Variants in EP300 observed in about 807,000 individuals in gnomAD.
EP300 encodes histone acetyltransferase p300.
In EP300, 31 loss-of-function variants were observed where a neutral mutation model predicts 264.0. The ratio of observed to expected loss-of-function variants is 0.12; its 90% CI spans 0.09 to 0.16. The LOEUF is 0.16. Ranked by LOEUF, EP300 falls within the 10% of genes least tolerant of loss-of-function variation. EP300 has a pLI of 1.00. For missense variants in EP300, 2,766 were observed against 3,052.9 expected (o/e 0.91, Z 2.21); for synonymous variants, 1,340 against 1,045.4 (o/e 1.28, Z -5.44).
chr22:41,177,921 G>T lies in EP300; in HGVS notation c.6210G>T (p.Val2070=), dbSNP rs11912899. 5.6e-6 allele frequency: 9 copies of T among 1,614,154 alleles called. No individual in the cohort carries two copies. In the South Asian group the frequency reaches 8.8e-5, roughly 16 times the overall value. Reference sequence around the variant, plus strand: ...GCTCTCCCCTGCAGCAGCAACAGGTGCTTAGTATCCTTCACGCCAACCCCC... The same window carrying T: ...GCTCTCCCCTGCAGCAGCAACAGGTTCTTAGTATCCTTCACGCCAACCCCC... ...SPSSPLQQQQ[V]LSILHANPQL... Residue 2070 remains valine, a synonymous_variant, in exon 31 of 31, where the codon GTG becomes GTT. Coordinates refer to ENST00000263253, the MANE Select transcript of EP300 (RefSeq NM_001429.4).
intron 20 of EP300, 109 bp from the exon 21 acceptor site, chr22:41,162,613 TA>T: frequency 1.2e-6 from 1 of 838,178 alleles, no homozygotes; most frequent in Non-Finnish European, 2.0e-6. Context: ...TGTGTATTCT[TA>T]AAAAACCTGA....
chr22:41,161,429 AAC>A (rs1178770254), intron 20 of EP300, among the ~76,000 whole-genome samples: 5 of 152,116 alleles, frequency 3.3e-5, no homozygotes, highest in African/African-American at 1.2e-4. Flanking sequence ...CATCCTGGCT[AAC>A]ACGGTGAAGC....
At chr22:41,167,814 GTTTT>G (rs1555911003) in intron 23 of EP300, among the ~76,000 whole-genome samples, 3 of 66,228 alleles carry the variant, frequency 4.5e-5, no homozygotes, top group African/African-American at 1.3e-4. Flanking sequence ...GTTTGTTTTT[GTTTT>G]TTTTTTTGTT....
chr22:41,135,722 T>C lies in EP300; in HGVS notation c.1529-91T>C, dbSNP rs1165276199. ...TTGTATATGCTGCAAATTTTTTTTCTGATTTGTCATTTGTTTCTTAACTTT... is the reference window on the plus strand; with the variant it reads ...TTGTATATGCTGCAAATTTTTTTTCCGATTTGTCATTTGTTTCTTAACTTT... On this transcript the variant is annotated intron_variant, in intron 6 of 30. Transcript: ENST00000263253. 3.8e-6 allele frequency: 4 copies of C among 1,040,070 alleles called. No homozygotes were observed. In the Admixed American group the frequency reaches 7.6e-5, roughly 20 times the overall value. The allele number at this position is 1,040,070 out of a possible 1,614,324, so 64.4% of individuals were successfully genotyped here. A position where few individuals can be genotyped will look rare whatever the true frequency, so the allele number is the denominator to read the frequency against.
chr22:41,093,150 G>C (rs2058683173), intron 1 of EP300, 52 bp downstream of exon 1: 2 of 1,556,340 alleles, frequency 1.3e-6, no homozygotes, highest in African/African-American at 1.4e-5. Flanking sequence ...TTTTCTACTC[G>C]GTGCGCCTTT....
intron 27 of EP300, among the ~76,000 whole-genome samples, chr22:41,170,826 T>C (rs954095824): frequency 2.6e-5 from 4 of 151,848 alleles, no homozygotes; most frequent in African/African-American, 9.7e-5. Context: ...CACACCCGGC[T>C]AAATTTTTTT....
intron 9 of EP300, 82 bp downstream of exon 9, chr22:41,140,339 G>A: frequency 1.1e-6 from 1 of 946,644 alleles, no homozygotes. Context: ...TGTACAAGTA[G>A]TACATATGCT....
At chr22:41,136,626 A>C (rs1044137166) in intron 7 of EP300, among the ~76,000 whole-genome samples, 4 of 152,168 alleles carry the variant, frequency 2.6e-5, no homozygotes, top group Non-Finnish European at 4.4e-5. Context: ...ACACCACTGC[A>C]CCCTAGTCTG....
intron 4 of EP300, among the ~76,000 whole-genome samples, chr22:41,128,456 G>T (rs1027721147): frequency 2.0e-5 from 3 of 149,914 alleles, no homozygotes; most frequent in African/African-American, 7.4e-5. Flanking sequence ...ACCAAACCCT[G>T]TTTCAAAAAA....
chr22:41,122,648 A>C (rs1256142379), intron 2 of EP300, among the ~76,000 whole-genome samples: 1 of 152,020 alleles, frequency 6.6e-6, no homozygotes, highest in Non-Finnish European at 1.5e-5. Context: ...TGGTAATAGT[A>C]TAAAGAAGAT....
intron 18 of EP300, among the ~76,000 whole-genome samples, chr22:41,157,818 G>T (rs1263581685): frequency 1.3e-5 from 2 of 152,100 alleles, no homozygotes; most frequent in Non-Finnish European, 2.9e-5. Context: ...ACCTCTCCCA[G>T]CCAACACAGT....
chr22:41,145,572 A>G (rs553035003), intron 10 of EP300, among the ~76,000 whole-genome samples: 3 of 152,224 alleles, frequency 2.0e-5, no homozygotes, highest in African/African-American at 2.4e-5. Context: ...AAAGTACTAC[A>G]CTAGAGCATG....
At chr22:41,115,519 A>G (rs1162134099) in intron 1 of EP300, among the ~76,000 whole-genome samples, 1 of 152,098 alleles carries the variant, frequency 6.6e-6, no homozygotes, top group Non-Finnish European at 1.5e-5. Flanking sequence ...TACAACCTCA[A>G]ATTCCTGGAC....
At chr22:41,140,288 C>G (rs1451369432) in intron 9 of EP300, 31 bp downstream of exon 9, 1 of 1,379,172 alleles carries the variant, frequency 7.3e-7, no homozygotes, top group African/African-American at 1.4e-5. Context: ...TATTAATAGC[C>G]AAGATTGAAC....
chr22:41,142,752 G>A (rs559305741), intron 10 of EP300, among the ~76,000 whole-genome samples: 1 of 152,294 alleles, frequency 6.6e-6, no homozygotes, highest in African/African-American at 2.4e-5. Context: ...CGGGCATGGT[G>A]GCGGGCACCT....
intron 20 of EP300, among the ~76,000 whole-genome samples, chr22:41,161,091 G>T (rs917656330): frequency 1.4e-4 from 21 of 152,152 alleles, no homozygotes; most frequent in Non-Finnish European, 2.9e-5. Flanking sequence ...AAAATTGGAG[G>T]TTAGTACAAG....
At chr22:41,127,285 T>C (rs1421915772) in intron 3 of EP300, among the ~76,000 whole-genome samples, 5 of 152,112 alleles carry the variant, frequency 3.3e-5, no homozygotes, top group Non-Finnish European at 7.3e-5. Context: ...CTTATATCAC[T>C]TCGTAATGTC....
intron 16 of EP300, among the ~76,000 whole-genome samples, chr22:41,153,451 C>T (rs2059058518): frequency 6.6e-6 from 1 of 152,138 alleles, no homozygotes; most frequent in African/African-American, 2.4e-5. Flanking sequence ...CCCAGTCTTA[C>T]TATTGGCAAT....
At position 41,169,556 on chromosome 22, in the gene EP300, T is replaced by C; in HGVS notation, c.4226T>C (p.Leu1409Ser). Residue 1409 changes from leucine to serine, a missense_variant, in exon 26 of 31, where the codon TTG (leucine) becomes TCG (serine). Coordinates refer to ENST00000263253, the MANE Select transcript of EP300 (RefSeq NM_001429.4). ...GTTCATTTCTTCCGTCCTAAATGCT[T>C]GAGGACTGCAGTCTATCATGAAATC... ...DSVHFFRPKC[L>S]RTAVYHEILI... 1 of 1,610,358 alleles carries C rather than the reference T, an allele frequency of 6.2e-7. No individual in the cohort carries two copies. Among genetic ancestry groups the C allele is most frequent in the Non-Finnish European group, 8.5e-7 (1 of 1,178,298 alleles).
Sources: gnomAD v4.1 joint callset for allele counts (sites outside exome capture counted in the v4.1 genomes callset) on GRCh38, gnomAD v4.1.1 for gene constraint, MANE v1.5 for transcripts, NCBI Gene and HGNC (gene_info 2026-07-23, HGNC 2026-07-21) for gene names.